Variants in TACR1 observed in about 807,000 individuals in gnomAD.
The protein encoded by TACR1 is substance-P receptor.
TACR1 carries 25 observed loss-of-function variants against 35.8 expected under a neutral mutation model. The ratio of observed to expected loss-of-function variants is 0.70; its 90% CI spans 0.51 to 0.98. The LOEUF (loss-of-function observed/expected upper bound fraction) is 0.98. TACR1 is among the 50% of genes least tolerant of loss of function. The pLI, the probability that TACR1 is intolerant of heterozygous loss-of-function variation, is 0.00. For synonymous variants in TACR1, 195 were observed against 206.7 expected, an observed-to-expected ratio of 0.94 and a Z score of 0.48; for missense variants, 478 against 522.9, an observed-to-expected ratio of 0.91 and a Z score of 0.84.
chr2:75,161,986 A>T (rs945336586), intron 1 of TACR1, among the ~76,000 whole-genome samples: 1 of 145,472 alleles, frequency 6.9e-6, no homozygotes, highest in Non-Finnish European at 1.5e-5. Context: ...ATATTAGATG[A>T]ATTTGTCAAA....
intron 2 of TACR1, among the ~76,000 whole-genome samples, chr2:75,086,892 A>G (rs1211456485): frequency 6.6e-6 from 1 of 152,170 alleles, no homozygotes; most frequent in African/African-American, 2.4e-5. Flanking sequence ...TCAATGTGAC[A>G]ATGACTTTCA....
chr2:75,084,131 C>T (rs1243729419), intron 2 of TACR1, among the ~76,000 whole-genome samples: 1 of 152,162 alleles, frequency 6.6e-6, no homozygotes, highest in Non-Finnish European at 1.5e-5. Flanking sequence ...GAGTTTTTAG[C>T]ATGAAGGGCT....
At chr2:75,175,633 C>T (rs756313903) in intron 1 of TACR1, among the ~76,000 whole-genome samples, 9 of 152,094 alleles carry the variant, frequency 5.9e-5, no homozygotes, top group Admixed American at 3.9e-4. Context: ...TTGACCCTCC[C>T]GCTGACTTTG....
chr2:75,100,662 T>G (rs1673518601), intron 2 of TACR1, among the ~76,000 whole-genome samples: 1 of 152,322 alleles, frequency 6.6e-6, no homozygotes, highest in African/African-American at 2.4e-5. Context: ...GTGACGAGTG[T>G]GATAGGTCAT....
At chr2:75,102,530 T>C (rs911062494) in intron 2 of TACR1, among the ~76,000 whole-genome samples, 1 of 152,214 alleles carries the variant, frequency 6.6e-6, no homozygotes, top group Non-Finnish European at 1.5e-5. Context: ...AGACTTACTA[T>C]TTAAATCCTG....
intron 1 of TACR1, among the ~76,000 whole-genome samples, chr2:75,195,755 A>C (rs1037413179): frequency 4.6e-5 from 7 of 152,182 alleles, no homozygotes; most frequent in Non-Finnish European, 7.3e-5. Flanking sequence ...AATCACCTAA[A>C]TACACAACAG....
chr2:75,157,519 CACAA>C (rs1453390118), intron 1 of TACR1, among the ~76,000 whole-genome samples: 1 of 152,168 alleles, frequency 6.6e-6, no homozygotes, highest in African/African-American at 2.4e-5. Flanking sequence ...TCCACCTGTT[CACAA>C]ACAATGTGTC....
chr2:75,192,811 A>C (rs1288610761), intron 1 of TACR1, among the ~76,000 whole-genome samples: 1 of 152,222 alleles, frequency 6.6e-6, no homozygotes, highest in Non-Finnish European at 1.5e-5. Flanking sequence ...TGAAGATTAA[A>C]TGAGACAATG....
intron 1 of TACR1, among the ~76,000 whole-genome samples, chr2:75,177,408 C>G (rs949665332): frequency 1.3e-5 from 2 of 152,198 alleles, no homozygotes; most frequent in African/African-American, 4.8e-5. Flanking sequence ...CCACTTGCCT[C>G]TAGCCTTCCA....
At chr2:75,149,952 C>T (rs1045536322) in intron 1 of TACR1, among the ~76,000 whole-genome samples, 11 of 152,008 alleles carry the variant, frequency 7.2e-5, no homozygotes, top group Non-Finnish European at 8.8e-5. Flanking sequence ...AAGCATGAAG[C>T]GGTGTTGAAT....
intron 1 of TACR1, chr2:75,186,764 C>T (rs1327381249): frequency 1.3e-5 from 2 of 152,012 alleles, no homozygotes; most frequent in South Asian, 2.1e-4. Flanking sequence ...TTTTCTATTG[C>T]TGTACTCATC....
chr2:75,154,402 G>GTGCACT (rs1674757951), intron 1 of TACR1: 1 of 47,834 alleles, frequency 2.1e-5, no homozygotes, highest in Admixed American at 2.0e-4. Flanking sequence ...TCAGCCAAGA[G>GTGCACT]CGCGCACGCA....
intron 1 of TACR1, among the ~76,000 whole-genome samples, chr2:75,176,390 C>T (rs539504147): frequency 1.3e-5 from 2 of 151,518 alleles, no homozygotes; most frequent in East Asian, 1.9e-4. Context: ...GTTCCTCTCT[C>T]GGTTGGAGAG....
At chr2:75,129,352 G>C (rs1433730855) in intron 1 of TACR1, among the ~76,000 whole-genome samples, 1 of 152,208 alleles carries the variant, frequency 6.6e-6, no homozygotes, top group Admixed American at 6.5e-5. Flanking sequence ...ATCTTATGCA[G>C]TGTGGCCTTG....
chr2:75,100,323 A>G (rs1271763438), intron 2 of TACR1, among the ~76,000 whole-genome samples: 2 of 152,252 alleles, frequency 1.3e-5, no homozygotes, highest in African/African-American at 4.8e-5. Context: ...ATAGGTGCAT[A>G]ATGAATGCTA....
intron 2 of TACR1, among the ~76,000 whole-genome samples, chr2:75,074,039 T>C (rs1226236058): frequency 6.6e-6 from 1 of 152,190 alleles, no homozygotes; most frequent in African/African-American, 2.4e-5. Context: ...TTATATAGTA[T>C]GGTTATGCCT....
intron 1 of TACR1, among the ~76,000 whole-genome samples, chr2:75,141,693 C>T (rs73935569): frequency 0.021 from 3,176 of 152,238 alleles, 103 homozygotes; most frequent in African/African-American, 0.071. Flanking sequence ...GGAATAAATA[C>T]GCAGATGAAT....
intron 2 of TACR1, among the ~76,000 whole-genome samples, chr2:75,113,235 T>G (rs747879155): frequency 2.0e-5 from 3 of 152,244 alleles, no homozygotes; most frequent in Non-Finnish European, 2.9e-5. Flanking sequence ...TTATGCTCTC[T>G]GGCCTCTGTG....
At chr2:75,131,612 C>T (rs993666235) in intron 1 of TACR1, among the ~76,000 whole-genome samples, 5 of 152,248 alleles carry the variant, frequency 3.3e-5, no homozygotes, top group Admixed American at 6.5e-5. Flanking sequence ...TTGTGATACA[C>T]ATAATTTGCA....
Sources: gnomAD v4.1 joint callset for allele counts (sites outside exome capture counted in the v4.1 genomes callset) on GRCh38, gnomAD v4.1.1 for gene constraint, MANE v1.5 for transcripts, NCBI Gene and HGNC (gene_info 2026-07-23, HGNC 2026-07-21) for gene names.